The following FSTL1 variants were observed in gnomAD, a reference collection of about 807,000 sequenced individuals.
The protein encoded by FSTL1 is follistatin-related protein 1.
A neutral mutation model predicts 45.9 loss-of-function variants in FSTL1; 24 were observed. The observed-to-expected ratio is 0.52, with a 90% CI of 0.38 to 0.74. The LOEUF is 0.74. Among genes scored for constraint, FSTL1 ranks in the 30% least tolerant of loss-of-function variants. The probability of loss-of-function intolerance (pLI) is 0.00; values close to 1 mark genes in which losing one functional copy is unlikely to be tolerated. For missense variants in FSTL1, 340 were observed against 381.8 expected (o/e 0.89, Z 0.91); for synonymous variants, 120 against 137.6 (o/e 0.87, Z 0.89).
chr3:120,431,079 C>T (rs1374055203), intron 2 of FSTL1, among the ~76,000 whole-genome samples: 2 of 152,178 alleles, frequency 1.3e-5, no homozygotes, highest in African/African-American at 4.8e-5. Flanking sequence ...TCAAGCAATT[C>T]TCCTTCCTCA....
intron 3 of FSTL1, among the ~76,000 whole-genome samples, chr3:120,413,632 G>A (rs1278767495): frequency 6.6e-6 from 1 of 151,880 alleles, no homozygotes; most frequent in Non-Finnish European, 1.5e-5. Flanking sequence ...AGAAAGACGT[G>A]TTTCCAGGCT....
In FSTL1 at chr3:120,392,864, T is replaced by C. The variant is rs1936619429; in HGVS notation, c.*4088A>G. On this transcript the variant is annotated 3_prime_UTR_variant, in exon 11 of 11. Transcript: ENST00000295633. ...TTCAGAAATAATTCAAGAGGACTGA[T>C]GATAACTTGATAAAGAAGCTCTAAA... 2 of 143,696 alleles carry C rather than the reference T, an allele frequency of 1.4e-5. No homozygotes were observed. Among genetic ancestry groups the C allele is most frequent in the South Asian group, 4.6e-4 (2 of 4,330 alleles). The allele number at this position is 143,696 out of a possible 1,614,324, so 8.9% of individuals were successfully genotyped here. A position where few individuals can be genotyped will look rare whatever the true frequency, so the allele number is the denominator to read the frequency against.
Position 120,396,855 on chromosome 3 carries a change from T to C in FSTL1, c.*97A>G. ...AACTCATTGCTATATAAGCAAATAC[T>C]GGTGATTTGGCGACTGTAGCAGACA... On this transcript the variant is annotated 3_prime_UTR_variant, in exon 11 of 11. Transcript: ENST00000295633. The C allele has an allele frequency of 2.4e-6, 2 of 826,442 alleles. 1 individual carries two copies. Among genetic ancestry groups the C allele is most frequent in the East Asian group, 4.9e-5 (2 of 41,184 alleles). 51.2% of individuals were successfully genotyped at this position (826,442 alleles called of 1,614,324 possible).
Position 120,411,929 on chromosome 3 carries a change from T to C in FSTL1, c.223A>G (p.Asn75Asp). The change falls in exon 4 of 11, where the codon AAC becomes GAC. Residue 75 changes from asparagine to aspartate, a missense_variant. By Grantham distance (23) the Asn-to-Asp change is conservative. Coordinates refer to ENST00000295633, the MANE Select transcript of FSTL1 (RefSeq NM_007085.5). ...GCATCTCGATGCAGTTCACAGTGGTTGAGGTAGGTCTTGCCATTACTGCCA... is the reference window on the plus strand; with the variant it reads ...GCATCTCGATGCAGTTCACAGTGGTCGAGGTAGGTCTTGCCATTACTGCCA... ...VCGSNGKTYL[N>D]HCELHRDACL... The C allele has an allele frequency of 6.2e-7, 1 of 1,613,426 alleles. No individual in the cohort carries two copies. Among genetic ancestry groups the C allele is most frequent in the South Asian group, 1.1e-5 (1 of 91,062 alleles).
At chr3:120,427,617 G>A (rs750425663) in intron 2 of FSTL1, among the ~76,000 whole-genome samples, 1 of 152,132 alleles carries the variant, frequency 6.6e-6, no homozygotes, top group African/African-American at 2.4e-5. Context: ...TATTCAGCCT[G>A]GAATTTCACT....
chr3:120,427,864 A>G (rs1035962391), intron 2 of FSTL1, among the ~76,000 whole-genome samples: 1 of 152,206 alleles, frequency 6.6e-6, no homozygotes, highest in African/African-American at 2.4e-5. Context: ...AGAGCAAAGC[A>G]AAATTGGGTG....
intron 4 of FSTL1, chr3:120,411,421 T>A (rs1382090694): frequency 5.3e-6 from 1 of 188,296 alleles, no homozygotes; most frequent in African/African-American, 2.4e-5. Flanking sequence ...GACTTCTTCC[T>A]TCTTATTCTA....
chr3:120,417,891 A>G (rs1937214296), intron 2 of FSTL1, among the ~76,000 whole-genome samples: 1 of 152,196 alleles, frequency 6.6e-6, no homozygotes, highest in Non-Finnish European at 1.5e-5. Flanking sequence ...GTCCTCATCT[A>G]TAAAGTAGGG....
intron 2 of FSTL1, 137 bp from the exon 3 acceptor site, chr3:120,416,164 G>T (rs1445516450): frequency 7.4e-6 from 5 of 676,182 alleles, no homozygotes; most frequent in Admixed American, 4.5e-5. Context: ...TAGATGTTGG[G>T]TCTTAAACAG....
chr3:120,426,489 A>G (rs1229528074), intron 2 of FSTL1, among the ~76,000 whole-genome samples: 2 of 152,226 alleles, frequency 1.3e-5, no homozygotes, highest in East Asian at 3.9e-4. Context: ...TCTCCACTCC[A>G]CCCATTTTTG....
intron 10 of FSTL1, among the ~76,000 whole-genome samples, chr3:120,398,282 C>T (rs1010706392): frequency 6.6e-6 from 1 of 152,102 alleles, no homozygotes; most frequent in East Asian, 1.9e-4. Flanking sequence ...ACAACATTGC[C>T]TGATATCTAG....
chr3:120,402,577 T>C (rs1936846975), intron 9 of FSTL1, among the ~76,000 whole-genome samples: 1 of 152,114 alleles, frequency 6.6e-6, no homozygotes, highest in South Asian at 2.1e-4. Context: ...GTCTTGGTCC[T>C]CTCTTATTCC....
At chr3:120,424,389 CAAG>C (rs1937338826) in intron 2 of FSTL1, among the ~76,000 whole-genome samples, 2 of 152,192 alleles carry the variant, frequency 1.3e-5, no homozygotes, top group African/African-American at 2.4e-5. Flanking sequence ...GCTGATGAAA[CAAG>C]AATACAGGCC....
At chr3:120,446,601 G>T (rs1217991896) in intron 2 of FSTL1, among the ~76,000 whole-genome samples, 4 of 152,194 alleles carry the variant, frequency 2.6e-5, no homozygotes, top group Non-Finnish European at 5.9e-5. Context: ...TCATTTTAGA[G>T]ATCTTTTTAG....
chr3:120,417,301 G>C (rs961538498), intron 2 of FSTL1, among the ~76,000 whole-genome samples: 1 of 136,518 alleles, frequency 7.3e-6, no homozygotes, highest in East Asian at 1.9e-4. Context: ...AAAGCAAAAA[G>C]AAAGAAGAGG....
rs1275653487 is a variant in FSTL1 at position 120,395,569 on chromosome 3, C to A, written c.*1383G>T. 3 of 480,348 alleles carry A rather than the reference C, an allele frequency of 6.2e-6. No homozygotes were observed. Among genetic ancestry groups the A allele is most frequent in the South Asian group, 1.5e-5 (1 of 65,334 alleles). The allele number at this position is 480,348 out of a possible 1,614,324, so 29.8% of individuals were successfully genotyped here. On this transcript the variant is annotated 3_prime_UTR_variant, in exon 11 of 11. Coordinates refer to ENST00000295633, the MANE Select transcript of FSTL1 (RefSeq NM_007085.5). ...TCTCTTCCTGCTTTACCCATGAGGA[C>A]TCCATATCATAGCACGACCTGTAGG...
Position 120,396,601 on chromosome 3 carries a change from G to A in FSTL1, c.*351C>T. 1 of 210,048 alleles carries A rather than the reference G, an allele frequency of 4.8e-6. No individual in the cohort carries two copies. Among genetic ancestry groups the A allele is most frequent in the Non-Finnish European group, 9.5e-6 (1 of 105,210 alleles). 13.0% of individuals were successfully genotyped at this position (210,048 alleles called of 1,614,324 possible). A position where few individuals can be genotyped will look rare whatever the true frequency, so the allele number is the denominator to read the frequency against. On this transcript the variant is annotated 3_prime_UTR_variant, in exon 11 of 11. Transcript: ENST00000295633. Reference sequence around the variant, plus strand: ...GGGACACCCTGCTAAGTTCTCTCTGGCATCGTGTGCACTCCCTGCAGCCTG... The same window carrying A: ...GGGACACCCTGCTAAGTTCTCTCTGACATCGTGTGCACTCCCTGCAGCCTG...
chr3:120,440,627 T>A (rs1029944301), intron 2 of FSTL1, among the ~76,000 whole-genome samples: 3 of 152,250 alleles, frequency 2.0e-5, no homozygotes, highest in Non-Finnish European at 2.9e-5. Flanking sequence ...CAGCACTAAC[T>A]CAGTGCCTAA....
At chr3:120,408,745 G>T (rs1428699645) in intron 6 of FSTL1, among the ~76,000 whole-genome samples, 2 of 152,150 alleles carry the variant, frequency 1.3e-5, no homozygotes, top group Non-Finnish European at 2.9e-5. Flanking sequence ...GTGTGTGCGT[G>T]TCTGGCATGT....
Sources: gnomAD v4.1 joint callset for allele counts (sites outside exome capture counted in the v4.1 genomes callset) on GRCh38, gnomAD v4.1.1 for gene constraint, MANE v1.5 for transcripts, NCBI Gene and HGNC (gene_info 2026-07-23, HGNC 2026-07-21) for gene names.